PDE10A: variants seen among roughly 807,000 people sequenced by gnomAD.
The protein encoded by PDE10A is cAMP and cAMP-inhibited cGMP 3',5'-cyclic phosphodiesterase 10A.
In PDE10A, 39 loss-of-function variants were observed where a neutral mutation model predicts 97.7. That is an observed-to-expected ratio of 0.40 (90% CI 0.31 to 0.52). The LOEUF is 0.52. PDE10A is among the 20% of genes least tolerant of loss of function. The probability of loss-of-function intolerance (pLI) is 0.56; values close to 1 mark genes in which losing one functional copy is unlikely to be tolerated. For missense variants in PDE10A, 731 were observed against 1,047.8 expected (o/e 0.70, Z 4.17); for synonymous variants, 371 against 376.8 (o/e 0.98, Z 0.18).
At chr6:165,813,198 A>G (rs1779324843) in intron 1 of PDE10A, among the ~76,000 whole-genome samples, 1 of 152,180 alleles carries the variant, frequency 6.6e-6, no homozygotes, top group African/African-American at 2.4e-5. Flanking sequence ...ATGAGCCTTT[A>G]AACTAGATGT....
chr6:165,394,146 C>T (rs1283597405), intron 15 of PDE10A, among the ~76,000 whole-genome samples: 1 of 152,060 alleles, frequency 6.6e-6, no homozygotes, highest in East Asian at 1.9e-4. Context: ...TATACACGTG[C>T]CATGATGGCT....
intron 1 of PDE10A, among the ~76,000 whole-genome samples, chr6:165,840,719 T>G (rs1469645594): frequency 2.6e-5 from 4 of 152,218 alleles, no homozygotes; most frequent in African/African-American, 7.2e-5. Context: ...TATAGGAATT[T>G]TAACACACTC....
chr6:165,691,093 CTCTCTTTCTCTCT>C (rs1791262858), intron 1 of PDE10A, among the ~76,000 whole-genome samples: 1 of 49,858 alleles, frequency 2.0e-5, no homozygotes, highest in Non-Finnish European at 5.4e-5. Context: ...CTCTCTCTCT[CTCTCTTTCTCTCT>C]CCCCCCCCCC....
chr6:165,961,305 G>C (rs1191504263), intron 1 of PDE10A, among the ~76,000 whole-genome samples: 2 of 152,186 alleles, frequency 1.3e-5, no homozygotes, highest in Admixed American at 6.5e-5. Flanking sequence ...TCACAAGCCG[G>C]GCAACTTCAA....
chr6:165,456,456 T>C (rs1238366264), intron 3 of PDE10A, among the ~76,000 whole-genome samples: 2 of 152,224 alleles, frequency 1.3e-5, no homozygotes, highest in Non-Finnish European at 1.5e-5. Flanking sequence ...CCTCTTAGCA[T>C]ATAATTCTGA....
intron 1 of PDE10A, among the ~76,000 whole-genome samples, chr6:165,913,390 A>G (rs1187421609): frequency 6.6e-6 from 1 of 152,096 alleles, no homozygotes; most frequent in Non-Finnish European, 1.5e-5. Context: ...TCCCTGATAT[A>G]AAATGGTGTA....
At chr6:165,550,525 T>C (rs1001685823) in intron 1 of PDE10A, among the ~76,000 whole-genome samples, 2 of 152,204 alleles carry the variant, frequency 1.3e-5, no homozygotes, top group South Asian at 2.1e-4. Context: ...GGGGCTGTAA[T>C]GCATGTCATA....
chr6:165,662,118 C>CG lies in PDE10A; in HGVS notation c.693dup (p.Gly232ArgfsTer42). ...CCGCCTGGGCCGGCGCCGGGGAAGC[C>CG]GGGGGAGCCCGCGCGGCGGGCGGCC... On this transcript the variant is annotated frameshift_variant, in exon 1 of 22. Coordinates refer to ENST00000539869, the MANE Select transcript of PDE10A (RefSeq NM_001385079.1). LOFTEE classifies it high-confidence loss of function. The CG allele has an allele frequency of 2.0e-6, 2 of 980,296 alleles. No individual in the cohort carries two copies. Among genetic ancestry groups the CG allele is most frequent in the Non-Finnish European group, 2.5e-6 (2 of 814,242 alleles). 60.7% of individuals were successfully genotyped at this position (980,296 alleles called of 1,614,324 possible).
intron 1 of PDE10A, among the ~76,000 whole-genome samples, chr6:165,619,567 C>T (rs202010137): frequency 1.9e-5 from 1 of 53,062 alleles, no homozygotes; most frequent in African/African-American, 1.2e-4. Context: ...GTGTAGTATA[C>T]TGTAGTCTAG....
At chr6:165,370,313 T>G (rs1357488301) in intron 18 of PDE10A, among the ~76,000 whole-genome samples, 60 of 141,658 alleles carry the variant, frequency 4.2e-4, no homozygotes, top group Non-Finnish European at 8.3e-4. Context: ...GACCCATCAG[T>G]GTGCTGTATT....
At chr6:165,885,643 C>T (rs1781609994) in intron 1 of PDE10A, among the ~76,000 whole-genome samples, 3 of 152,348 alleles carry the variant, frequency 2.0e-5, no homozygotes, top group African/African-American at 4.8e-5. Context: ...GACAGCTCTG[C>T]TCAGCGCTGG....
chr6:165,662,075 C>A lies in PDE10A; in HGVS notation c.737G>T (p.Arg246Leu). 7.4e-7 allele frequency: 1 copy of A among 1,346,984 alleles called. No homozygotes were observed. The highest frequency in any genetic ancestry group is 9.7e-7 in the Non-Finnish European group (1 of 1,034,392). 83.4% of individuals were successfully genotyped at this position (1,346,984 alleles called of 1,614,324 possible). ...AGPGGGGQTP[R>L]RPQGASFALA... is the part of the protein sequence containing the mutation. ...GGCGAAGCTGGCGCCCTGGGGACGCCGCGGAGTTTGGCCGCCGCCGCCTGG... is the reference window on the plus strand; with the variant it reads ...GGCGAAGCTGGCGCCCTGGGGACGCAGCGGAGTTTGGCCGCCGCCGCCTGG... Residue 246 changes from arginine (R) to leucine (L), a missense_variant, in exon 1 of 22, where the codon CGG becomes CTG. This residue lies in a region of PDE10A where 181 missense variants were observed against 159.1 expected (regional missense o/e 1.14). Transcript: ENST00000539869.
At chr6:165,351,646 C>T (rs1782700218) in intron 18 of PDE10A, among the ~76,000 whole-genome samples, 1 of 152,162 alleles carries the variant, frequency 6.6e-6, no homozygotes, top group African/African-American at 2.4e-5. Flanking sequence ...GTGACTCCTT[C>T]CATTACATGA....
At chr6:165,591,535 G>C (rs899013299) in intron 1 of PDE10A, among the ~76,000 whole-genome samples, 1 of 152,134 alleles carries the variant, frequency 6.6e-6, no homozygotes, top group African/African-American at 2.4e-5. Flanking sequence ...GTATGGAATG[G>C]GTCACCAGAG....
chr6:165,371,659 C>T (rs1317354337), intron 18 of PDE10A, among the ~76,000 whole-genome samples: 2 of 152,154 alleles, frequency 1.3e-5, no homozygotes, highest in Non-Finnish European at 2.9e-5. Flanking sequence ...CAAGGAGGAA[C>T]TGGTACCATT....
Position 165,435,262 on chromosome 6 carries a change from G to A in PDE10A, c.1310C>T (p.Thr437Ile). Reference sequence around the variant, plus strand: ...TCCAAGGATGTCTTCTACTAGCAGTGTTTTCCTGGACTTGGCCACATAAGC... The same window carrying A: ...TCCAAGGATGTCTTCTACTAGCAGTATTTTCCTGGACTTGGCCACATAAGC... ...VSAYVAKSRKTLLVEDILGDE... is the reference protein window; with the variant it reads ...VSAYVAKSRKILLVEDILGDE... Residue 437 changes from threonine to isoleucine, a missense_variant, in exon 6 of 22, where the codon ACA (threonine) becomes ATA (isoleucine). By Grantham distance (89) the Thr-to-Ile change is moderately conservative. Transcript: ENST00000539869. 6.2e-7 allele frequency: 1 copy of A among 1,614,016 alleles called. No homozygotes were observed. The highest frequency in any genetic ancestry group is 8.5e-7 in the Non-Finnish European group (1 of 1,179,896).
intron 1 of PDE10A, among the ~76,000 whole-genome samples, chr6:165,622,499 G>A (rs1788191914): frequency 6.6e-6 from 1 of 152,150 alleles, no homozygotes; most frequent in Admixed American, 6.5e-5. Context: ...GTAGACAACT[G>A]TAACACAATG....
chr6:165,426,698 G>A (rs1789189392), intron 10 of PDE10A, among the ~76,000 whole-genome samples: 1 of 152,134 alleles, frequency 6.6e-6, no homozygotes, highest in African/African-American at 2.4e-5. Flanking sequence ...ACCAAAAAGG[G>A]AGAAAATATT....
chr6:165,370,103 C>A (rs1211797106), intron 18 of PDE10A, among the ~76,000 whole-genome samples: 2 of 152,032 alleles, frequency 1.3e-5, no homozygotes, highest in African/African-American at 2.4e-5. Context: ...AAGGAACAAC[C>A]GGTACAGCCG....
Sources: allele counts gnomAD v4.1 joint callset (sites outside exome capture counted in the v4.1 genomes callset), GRCh38; gene constraint gnomAD v4.1.1; regional missense constraint gnomAD v4.1.1; transcripts MANE v1.5; gene names NCBI Gene and HGNC (gene_info 2026-07-23, HGNC 2026-07-21).